Variants in L3MBTL4 observed in about 807,000 individuals in gnomAD.
The protein encoded by L3MBTL4 is lethal(3)malignant brain tumor-like protein 4.
In L3MBTL4, 70 loss-of-function variants were observed where a neutral mutation model predicts 84.5. That is an observed-to-expected ratio of 0.83 (90% CI 0.68 to 1.01). L3MBTL4 has a LOEUF of 1.01. Among genes scored for constraint, L3MBTL4 ranks in the 50% least tolerant of loss-of-function variants. The pLI is 0.00. For missense variants in L3MBTL4, 715 were observed against 754.8 expected (o/e 0.95, Z 0.62); for synonymous variants, 274 against 259.8 (o/e 1.05, Z -0.52).
intron 15 of L3MBTL4, among the ~76,000 whole-genome samples, chr18:6,086,588 C>T (rs2058267392): frequency 6.6e-6 from 1 of 152,176 alleles, no homozygotes. Flanking sequence ...AGATCCTCTC[C>T]ATGCCCCTGA....
chr18:6,324,964 G>A (rs895379412), intron 1 of L3MBTL4, among the ~76,000 whole-genome samples: 18 of 152,116 alleles, frequency 1.2e-4, no homozygotes, highest in African/African-American at 4.3e-4. Flanking sequence ...AGCTACCAAT[G>A]CATCCCCACT....
chr18:6,291,163 CTGACT>C (rs924797180), intron 4 of L3MBTL4, among the ~76,000 whole-genome samples: 3 of 152,134 alleles, frequency 2.0e-5, no homozygotes, highest in African/African-American at 4.8e-5. Flanking sequence ...TTCTACCTTT[CTGACT>C]TGACAAAATA....
rs372886976 is a variant in L3MBTL4 at position 6,292,130 on chromosome 18, C to G, written c.127+9773G>C. On this transcript the variant is annotated intron_variant, in intron 4 of 18. Transcript: ENST00000317931. ...ATTAAATTATCACATGTGCTACAAA[C>G]TACGTACATGTAGCATGCATCAATT... 5.5e-4 allele frequency among the ~76,000 whole-genome samples: 84 copies of G among 152,292 alleles called. 1 individual carries two copies. The South Asian group carries it at 0.017, about 31-fold the overall frequency.
At chr18:6,314,969 T>C (rs1036597532) in intron 1 of L3MBTL4, among the ~76,000 whole-genome samples, 2 of 152,190 alleles carry the variant, frequency 1.3e-5, no homozygotes, top group Admixed American at 1.3e-4. Flanking sequence ...CATCCTGGCA[T>C]AAGGATTAAC....
chr18:6,043,909 C>T (rs1329552084), intron 16 of L3MBTL4, among the ~76,000 whole-genome samples: 1 of 152,154 alleles, frequency 6.6e-6, no homozygotes, highest in East Asian at 1.9e-4. Context: ...AGCTTTTCCC[C>T]TAAAAAATCA....
chr18:6,072,697 CAAA>C (rs60257178), intron 16 of L3MBTL4, among the ~76,000 whole-genome samples: 37 of 143,138 alleles, frequency 2.6e-4, no homozygotes, highest in South Asian at 4.5e-4. Flanking sequence ...CACACACACA[CAAA>C]AAAAAATTAG....
intron 10 of L3MBTL4, among the ~76,000 whole-genome samples, chr18:6,228,372 C>A (rs2046860738): frequency 6.6e-6 from 1 of 151,980 alleles, no homozygotes; most frequent in African/African-American, 2.4e-5. Flanking sequence ...AAAGCTGAGA[C>A]TCATTTAAAA....
intron 4 of L3MBTL4, among the ~76,000 whole-genome samples, chr18:6,292,914 A>G (rs1345463155): frequency 7.2e-6 from 1 of 138,992 alleles, no homozygotes; most frequent in Non-Finnish European, 1.6e-5. Context: ...TCACTCACCA[A>G]TCAGGGCTTG....
chr18:6,274,183 C>T (rs2048988123), intron 4 of L3MBTL4, among the ~76,000 whole-genome samples: 1 of 152,200 alleles, frequency 6.6e-6, no homozygotes, highest in Non-Finnish European at 1.5e-5. Flanking sequence ...ATACCCAAAC[C>T]AGCAGCATCA....
intron 16 of L3MBTL4, among the ~76,000 whole-genome samples, chr18:5,987,741 A>G (rs1038638566): frequency 7.9e-5 from 12 of 152,222 alleles, no homozygotes; most frequent in Admixed American, 3.9e-4. Flanking sequence ...CAACTTCTGA[A>G]AAAAAAATTA....
At chr18:6,045,793 C>T (rs2056593368) in intron 16 of L3MBTL4, among the ~76,000 whole-genome samples, 1 of 152,178 alleles carries the variant, frequency 6.6e-6, no homozygotes, top group African/African-American at 2.4e-5. Context: ...CAGTTATGTA[C>T]ATAGCCCATA....
At chr18:5,984,115 T>C (rs770067524) in intron 16 of L3MBTL4, among the ~76,000 whole-genome samples, 26 of 152,198 alleles carry the variant, frequency 1.7e-4, no homozygotes, top group Non-Finnish European at 3.2e-4. Flanking sequence ...TTTCACCATG[T>C]TGGCCAGGCT....
intron 14 of L3MBTL4, among the ~76,000 whole-genome samples, chr18:6,112,569 T>C (rs2059228008): frequency 6.6e-6 from 1 of 152,278 alleles, no homozygotes; most frequent in Middle Eastern, 3.4e-3. Flanking sequence ...AAATAACTAA[T>C]CTCTGGATAA....
At position 6,116,501 on chromosome 18, in the gene L3MBTL4, T is replaced by A. The variant is rs116170301; in HGVS notation, c.1199+21693A>T. Reference sequence around the variant, plus strand: ...GCTTCAGCCTCCCAATTATCTAGGATTACCGGCATGCACCACCCTGCCCAG... The same window carrying A: ...GCTTCAGCCTCCCAATTATCTAGGAATACCGGCATGCACCACCCTGCCCAG... On this transcript the variant is annotated intron_variant, in intron 14 of 18. Transcript: ENST00000317931. 6.1e-3 allele frequency among the ~76,000 whole-genome samples: 931 copies of A among 151,962 alleles called. 8 individuals are homozygous for A. Among genetic ancestry groups the A allele is most frequent in the African/African-American group, 0.021 (865 of 41,430 alleles).
intron 14 of L3MBTL4, among the ~76,000 whole-genome samples, chr18:6,124,003 A>G (rs2059609004): frequency 6.6e-6 from 1 of 152,224 alleles, no homozygotes; most frequent in Admixed American, 6.5e-5. Context: ...GAAGGCCCAC[A>G]TCAGGCTGGT....
At chr18:6,387,886 G>C (rs1320589911) in intron 1 of L3MBTL4, among the ~76,000 whole-genome samples, 1 of 152,146 alleles carries the variant, frequency 6.6e-6, no homozygotes, top group African/African-American at 2.4e-5. Flanking sequence ...AATAAAGATA[G>C]TTTTCACCTT....
intron 16 of L3MBTL4, among the ~76,000 whole-genome samples, chr18:6,078,540 C>T (rs562753127): frequency 6.7e-6 from 1 of 150,340 alleles, no homozygotes; most frequent in Non-Finnish European, 1.5e-5. Context: ...ATTAAATAAT[C>T]GTTTAATATC....
At chr18:6,408,713 G>A (rs1232470820) in intron 1 of L3MBTL4, among the ~76,000 whole-genome samples, 5 of 146,874 alleles carry the variant, frequency 3.4e-5, no homozygotes, top group South Asian at 4.3e-4. Context: ...ACCGAGTCTC[G>A]CTCTGTCACC....
At chr18:6,412,566 T>C (rs978259704) in intron 1 of L3MBTL4, among the ~76,000 whole-genome samples, 2 of 152,060 alleles carry the variant, frequency 1.3e-5, no homozygotes, top group African/African-American at 2.4e-5. Flanking sequence ...CTTTTCTTCA[T>C]AGGAAGAACT....
Sources: gnomAD v4.1 joint callset for allele counts (sites outside exome capture counted in the v4.1 genomes callset) on GRCh38, gnomAD v4.1.1 for gene constraint, MANE v1.5 for transcripts, NCBI Gene and HGNC (gene_info 2026-07-23, HGNC 2026-07-21) for gene names.